BACE1: variants seen among roughly 807,000 people sequenced by gnomAD.
The protein encoded by BACE1 is beta-secretase 1.
In BACE1, 21 loss-of-function variants were observed where a neutral mutation model predicts 54.0. The observed-to-expected ratio is 0.39, with a 90% CI of 0.28 to 0.56. BACE1 has a LOEUF of 0.56. BACE1 is among the 20% of genes least tolerant of loss of function. BACE1 has a pLI of 0.63. For missense variants in BACE1, 511 were observed against 661.2 expected (o/e 0.77, Z 2.49); for synonymous variants, 232 against 260.9 (o/e 0.89, Z 1.07).
chr11:117,299,659 G>GTC (rs1466439621), intron 1 of BACE1: 1 of 404,888 alleles, frequency 2.5e-6, no homozygotes, highest in Admixed American at 2.8e-5. Flanking sequence ...TCTACCCGTG[G>GTC]TCTCTCTCCC....
chr11:117,307,877 C>A (rs377326042), intron 1 of BACE1, among the ~76,000 whole-genome samples: 3 of 152,254 alleles, frequency 2.0e-5, no homozygotes, highest in African/African-American at 2.4e-5. Flanking sequence ...GGGTAGGCAA[C>A]TTATGGAGCC....
In BACE1 at chr11:117,293,177, A is replaced by C; in HGVS notation, c.717T>G (p.Gly239=). The change falls in exon 5 of 9, where the codon GGT becomes GGG. Residue 239 remains glycine (G), a synonymous_variant. Coordinates refer to ENST00000313005, the MANE Select transcript of BACE1 (RefSeq NM_012104.6). This position sits in a 1 kb window ranked among gnomAD's most constrained non-coding sequence, Gnocchi z 4.1. The stretch of plus-strand genomic sequence containing the variant: ...TGCCTGTGTACAGCGAGTGGTCGAT[A>C]CCTCCAATGATCTAGGGAAAAAAAG... ...ASVGGSMIIG[G]IDHSLYTGSL... 1 of 1,613,514 alleles carries C rather than the reference A, an allele frequency of 6.2e-7. No individual in the cohort carries two copies. Among genetic ancestry groups the C allele is most frequent in the Non-Finnish European group, 8.5e-7 (1 of 1,179,828 alleles).
rs917696892 is a variant in BACE1, at chr11:117,291,694, C to T, written c.942+18G>A. On this transcript the variant is annotated intron_variant, in intron 6 of 8. Transcript: ENST00000313005. ...GACACTGTACCATCTCTTTTACCCC[C>T]ATCCTTAGTCCACTCACGGAGGAGG... The T allele has an allele frequency of 6.3e-7, 1 of 1,575,092 alleles. No homozygotes were observed. The highest frequency in any genetic ancestry group is 1.4e-5 in the African/African-American group (1 of 74,056).
chr11:117,289,849 T>C, intron 8 of BACE1, 42 bp from the exon 9 acceptor site: 2 of 1,568,686 alleles, frequency 1.3e-6, no homozygotes, highest in African/African-American at 1.4e-5. Flanking sequence ...CTCATTGTCA[T>C]AGAGGAGTTA....
At chr11:117,303,935 A>G (rs553245511) in intron 1 of BACE1, among the ~76,000 whole-genome samples, 1 of 152,332 alleles carries the variant, frequency 6.6e-6, no homozygotes, top group African/African-American at 2.4e-5. Context: ...CATGCCACAA[A>G]GCTAGGACAA....
chr11:117,303,227 C>T (rs534688805), intron 1 of BACE1, among the ~76,000 whole-genome samples: 3 of 152,208 alleles, frequency 2.0e-5, no homozygotes, highest in South Asian at 4.2e-4. Context: ...GCCTGTGATC[C>T]GGGAGTCATC....
In BACE1 at chr11:117,293,974, A is replaced by G. The variant is rs1411370792; in HGVS notation, c.602T>C (p.Leu201Pro). Residue 201 changes from leucine to proline, a missense_variant, in exon 4 of 9, where the codon CTG becomes CCG. Coordinates refer to ENST00000313005, the MANE Select transcript of BACE1 (RefSeq NM_012104.6). The surrounding 1 kb of genome is among the most constrained non-coding windows in gnomAD (Gnocchi z 4.1). ...DDSLEPFFDSLVKQTHVPNLF... is the reference protein window; with the variant it reads ...DDSLEPFFDSPVKQTHVPNLF... ...GTTGGGAACGTGGGTCTGCTTTACC[A>G]GAGAGTCAAAGAAAGGCTCCAGGGA... The G allele has an allele frequency of 2.5e-6, 4 of 1,613,894 alleles. No individual in the cohort carries two copies. In the Admixed American group the frequency reaches 6.7e-5, roughly 27 times the overall value.
At chr11:117,291,674 T>C (rs1244384656) in intron 6 of BACE1, 38 bp downstream of exon 6, 1 of 1,454,850 alleles carries the variant, frequency 6.9e-7, no homozygotes, top group Admixed American at 1.7e-5. Context: ...CCTCTGACAC[T>C]GTACCATCTC....
chr11:117,286,872 T>C lies in BACE1; in HGVS notation c.*2694A>G, dbSNP rs1193032213. ...ACTGTCTCCAGGTTAGTAGCTGTCA[T>C]GAACAGGAAAGGTGGCAAAATGGAA... On this transcript the variant is annotated 3_prime_UTR_variant, in exon 9 of 9. Coordinates refer to ENST00000313005, the MANE Select transcript of BACE1 (RefSeq NM_012104.6). 1.3e-5 allele frequency: 2 copies of C among 152,654 alleles called. No individual in the cohort carries two copies. The highest frequency in any genetic ancestry group is 2.9e-5 in the Non-Finnish European group (2 of 68,032). 9.5% of individuals were successfully genotyped at this position (152,654 alleles called of 1,614,324 possible).
At chr11:117,310,223 G>C (rs559368202) in intron 1 of BACE1, among the ~76,000 whole-genome samples, 1 of 151,834 alleles carries the variant, frequency 6.6e-6, no homozygotes, top group Admixed American at 6.6e-5. Context: ...TCGTTTAAAA[G>C]AATAAAAATA....
rs1341495931 is a variant in BACE1, at chr11:117,288,649, G to A, written c.*917C>T. ...GCTTAGGGGGTTAGGATATTTCAGT[G>A]CTGCCTATCATATGTAGAATAAAGG... On this transcript the variant is annotated 3_prime_UTR_variant, in exon 9 of 9. Transcript: ENST00000313005. 6.6e-6 allele frequency: 1 copy of A among 152,584 alleles called. No individual in the cohort carries two copies. The highest frequency in any genetic ancestry group is 1.5e-5 in the Non-Finnish European group (1 of 68,030). The allele number at this position is 152,584 out of a possible 1,614,324, so 9.5% of individuals were successfully genotyped here. A position where few individuals can be genotyped will look rare whatever the true frequency, so the allele number is the denominator to read the frequency against.
At chr11:117,306,623 C>T (rs190341966) in intron 1 of BACE1, among the ~76,000 whole-genome samples, 1 of 152,172 alleles carries the variant, frequency 6.6e-6, no homozygotes, top group African/African-American at 2.4e-5. Flanking sequence ...ATTCTGGCCA[C>T]ATAGTGAAAC....
At position 117,289,707 on chromosome 11, in the gene BACE1, G is replaced by A. The variant is rs138053957; in HGVS notation, c.1365C>T (p.Leu455=). 3.1e-6 allele frequency: 5 copies of A among 1,614,236 alleles called. No homozygotes were observed. Among genetic ancestry groups the A allele is most frequent in the Middle Eastern group, 3.3e-4 (2 of 6,062 alleles). ...YNIPQTDEST[L]MTIAYVMAAI... ...CAGCCATGACATAGGCTATGGTCAT[G>A]AGGGTTGACTCATCTGTCTGTGGAA... The change falls in exon 9 of 9, where the codon CTC becomes CTT. Residue 455 remains leucine (L), a synonymous_variant. Transcript: ENST00000313005.
At chr11:117,294,129 T>C in intron 3 of BACE1, 121 bp from the exon 4 acceptor site, 1 of 1,163,392 alleles carries the variant, frequency 8.6e-7, no homozygotes, top group Non-Finnish European at 1.2e-6. Flanking sequence ...AAAGACCATC[T>C]TAAGGCACTG....
chr11:117,289,561 C>T lies in BACE1; in HGVS notation c.*5G>A. On this transcript the variant is annotated 3_prime_UTR_variant, in exon 9 of 9. Coordinates refer to ENST00000313005, the MANE Select transcript of BACE1 (RefSeq NM_012104.6). ...GGAATCTCTATCTTCTGCCCATGGG[C>T]CTCCTCACTTCAGCAGGGAGATGTC... 1 of 1,613,894 alleles carries T rather than the reference C, an allele frequency of 6.2e-7. No individual in the cohort carries two copies. The highest frequency in any genetic ancestry group is 1.1e-5 in the South Asian group (1 of 90,990).
chr11:117,292,521 C>T (rs1225574298), intron 5 of BACE1, among the ~76,000 whole-genome samples: 3 of 152,100 alleles, frequency 2.0e-5, no homozygotes, highest in African/African-American at 7.2e-5. Flanking sequence ...ATTTAACATA[C>T]ATAAGAATCT....
At chr11:117,312,785 G>A (rs778188596) in intron 1 of BACE1, among the ~76,000 whole-genome samples, 5 of 152,164 alleles carry the variant, frequency 3.3e-5, no homozygotes, top group Non-Finnish European at 5.9e-5. Flanking sequence ...CAAATTTGAG[G>A]CACAAACTAC....
intron 1 of BACE1, among the ~76,000 whole-genome samples, chr11:117,303,872 A>G (rs1051966178): frequency 6.6e-6 from 1 of 152,232 alleles, no homozygotes; most frequent in Non-Finnish European, 1.5e-5. Flanking sequence ...CTTCCATTTT[A>G]CAGAGAAGGA....
intron 1 of BACE1, among the ~76,000 whole-genome samples, chr11:117,298,308 AAAG>A (rs1441557315): frequency 1.3e-5 from 2 of 150,320 alleles, no homozygotes; most frequent in Non-Finnish European, 2.9e-5. Flanking sequence ...TCAAAAAAAA[AAAG>A]AAAAGAAAAG....
Sources: allele counts gnomAD v4.1 joint callset (sites outside exome capture counted in the v4.1 genomes callset), GRCh38; gene constraint gnomAD v4.1.1; non-coding constraint Gnocchi (gnomAD v3.1); transcripts MANE v1.5; gene names NCBI Gene and HGNC (gene_info 2026-07-23, HGNC 2026-07-21).